The following SUMF1 variants were observed in gnomAD, a reference collection of about 807,000 sequenced individuals.
The protein encoded by SUMF1 is formylglycine-generating enzyme.
A neutral mutation model predicts 47.6 loss-of-function variants in SUMF1; 48 were observed. The observed-to-expected ratio is 1.01, with a 90% CI of 0.80 to 1.28. The LOEUF (loss-of-function observed/expected upper bound fraction) is 1.28. Ranked by LOEUF, SUMF1 falls within the 50% of genes most tolerant of loss-of-function variation. The pLI, the probability that SUMF1 is intolerant of heterozygous loss-of-function variation, is 0.00. For missense variants in SUMF1, 571 were observed against 485.4 expected, an observed-to-expected ratio of 1.18 and a Z score of -1.66; for synonymous variants, 230 against 192.1, an observed-to-expected ratio of 1.20 and a Z score of -1.63.
chr3:4,146,298 C>A (rs1432018396), intron 8 of SUMF1, among the ~76,000 whole-genome samples: 4 of 151,676 alleles, frequency 2.6e-5, no homozygotes, highest in African/African-American at 9.7e-5. Flanking sequence ...GAAGAGGGAG[C>A]AGCACAAAAA....
chr3:4,168,659 A>T (rs577481426), intron 8 of SUMF1, among the ~76,000 whole-genome samples: 3 of 152,338 alleles, frequency 2.0e-5, no homozygotes, highest in Admixed American at 6.5e-5. Flanking sequence ...AACTTTGGGT[A>T]AAAATCTCTA....
intron 7 of SUMF1, among the ~76,000 whole-genome samples, chr3:4,392,315 G>A (rs711671): frequency 0.32 from 48,038 of 151,654 alleles, 7,948 homozygotes; most frequent in Non-Finnish European, 0.34. Flanking sequence ...CACAGTTGGC[G>A]TATTTTATAG....
intron 3 of SUMF1, among the ~76,000 whole-genome samples, chr3:4,433,775 G>A (rs1702309176): frequency 6.6e-6 from 1 of 152,192 alleles, no homozygotes; most frequent in Admixed American, 6.5e-5. Context: ...GTTGTATGCT[G>A]AACACACAGA....
chr3:4,364,745 G>C (rs1304597724), intron 8 of SUMF1, among the ~76,000 whole-genome samples: 4 of 151,338 alleles, frequency 2.6e-5, no homozygotes, highest in Non-Finnish European at 5.9e-5. Context: ...TCTGATTTTA[G>C]TTATTTCTTG....
At chr3:4,292,669 T>C (rs1454080471) in intron 8 of SUMF1, among the ~76,000 whole-genome samples, 1 of 152,158 alleles carries the variant, frequency 6.6e-6, no homozygotes, top group Non-Finnish European at 1.5e-5. Context: ...AAAGGTAAAA[T>C]TGGCTATTTC....
intron 7 of SUMF1, among the ~76,000 whole-genome samples, chr3:4,408,128 T>TG (rs1449609616): frequency 6.6e-6 from 1 of 152,198 alleles, no homozygotes; most frequent in Non-Finnish European, 1.5e-5. Flanking sequence ...TAACCAGGCA[T>TG]GTGAGAAAAC....
rs1479036438 is a variant in SUMF1 at position 4,104,929 on chromosome 3, T to C, written c.1015-36184A>G. ...TGTTGAAGAGATACCTACATTCCCATGTTCATTTCAGCATTACTCACAATT... is the reference window on the plus strand; with the variant it reads ...TGTTGAAGAGATACCTACATTCCCACGTTCATTTCAGCATTACTCACAATT... On this transcript the variant is annotated intron_variant and NMD_transcript_variant, in intron 8 of 12. Transcript: ENST00000448413. Among the ~76,000 whole-genome samples the C allele has an allele frequency of 1.3e-5, 2 of 152,110 alleles. 1 individual carries two copies. The highest frequency in any genetic ancestry group is 2.9e-5 in the Non-Finnish European group (2 of 68,032).
At chr3:4,414,061 C>G (rs1701629757) in intron 6 of SUMF1, among the ~76,000 whole-genome samples, 2 of 152,144 alleles carry the variant, frequency 1.3e-5, no homozygotes, top group Admixed American at 1.3e-4. Context: ...GACGGGGTTT[C>G]ACTGTGTTTC....
intron 3 of SUMF1, among the ~76,000 whole-genome samples, chr3:4,426,540 G>A (rs1702074412): frequency 6.6e-6 from 1 of 152,156 alleles, no homozygotes; most frequent in African/African-American, 2.4e-5. Context: ...GAAAATAAGT[G>A]CTATTCTACT....
chr3:4,318,572 T>C (rs1698745997), intron 8 of SUMF1, among the ~76,000 whole-genome samples: 1 of 152,214 alleles, frequency 6.6e-6, no homozygotes, highest in South Asian at 2.1e-4. Flanking sequence ...CTATTCAGCA[T>C]TGTACTGGAG....
chr3:4,402,150 C>T (rs188084561), intron 7 of SUMF1, among the ~76,000 whole-genome samples: 1 of 152,124 alleles, frequency 6.6e-6, no homozygotes, highest in East Asian at 1.9e-4. Flanking sequence ...CTCAGGGCAC[C>T]GATTAGGCAT....
chr3:4,370,433 G>T (rs565464408), intron 8 of SUMF1, among the ~76,000 whole-genome samples: 30 of 152,154 alleles, frequency 2.0e-4, no homozygotes, highest in Non-Finnish European at 4.0e-4. Context: ...TGGTGATAGG[G>T]CATAGGACTT....
intron 3 of SUMF1, among the ~76,000 whole-genome samples, chr3:4,444,643 C>T (rs1470121679): frequency 6.6e-6 from 1 of 152,132 alleles, no homozygotes; most frequent in East Asian, 1.9e-4. Context: ...AGTCTATCAT[C>T]CCCTGTGTCC....
intron 8 of SUMF1, chr3:4,316,100 T>C (rs1456866438): frequency 1.7e-5 from 9 of 541,668 alleles, no homozygotes; most frequent in Non-Finnish European, 6.6e-6. Context: ...GAATTTGGTA[T>C]TTGATATTGG....
At position 4,362,044 on chromosome 3, in the gene SUMF1, G is replaced by A. The variant is rs1461813252; in HGVS notation, c.*100C>T. On this transcript the variant is annotated 3_prime_UTR_variant, in exon 9 of 9. Transcript: ENST00000272902. ...TGGGCAGGTATGTAACCCACCTCAGGGTGGGAATTCTTTGCATGGGATCGT... is the reference window on the plus strand; with the variant it reads ...TGGGCAGGTATGTAACCCACCTCAGAGTGGGAATTCTTTGCATGGGATCGT... 8.3e-7 allele frequency: 1 copy of A among 1,200,204 alleles called. No homozygotes were observed. The highest frequency in any genetic ancestry group is 1.2e-6 in the Non-Finnish European group (1 of 820,982). The allele number at this position is 1,200,204 out of a possible 1,614,324, so 74.3% of individuals were successfully genotyped here. A position where few individuals can be genotyped will look rare whatever the true frequency, so the allele number is the denominator to read the frequency against.
chr3:4,350,798 C>T (rs1699483962), intron 8 of SUMF1, among the ~76,000 whole-genome samples: 1 of 152,090 alleles, frequency 6.6e-6, no homozygotes, highest in African/African-American at 2.4e-5. Flanking sequence ...GCAATTGGAA[C>T]AAACACTTTA....
intron 9 of SUMF1, among the ~76,000 whole-genome samples, chr3:4,058,930 G>A (rs1280063047): frequency 6.6e-6 from 1 of 152,072 alleles, no homozygotes. Context: ...AAACCAATGA[G>A]GTGAGATTAC....
chr3:4,194,011 A>G (rs1364553450), intron 8 of SUMF1, among the ~76,000 whole-genome samples: 3 of 152,098 alleles, frequency 2.0e-5, no homozygotes, highest in Non-Finnish European at 4.4e-5. Context: ...AATGAAAGTA[A>G]TTTTTAATGC....
chr3:4,171,279 TC>T (rs543829394), intron 8 of SUMF1, among the ~76,000 whole-genome samples: 51 of 152,154 alleles, frequency 3.4e-4, no homozygotes, highest in African/African-American at 9.2e-4. Flanking sequence ...CACAAGGAAA[TC>T]CCCTCATCAT....
Sources: gnomAD v4.1 joint callset for allele counts (sites outside exome capture counted in the v4.1 genomes callset) on GRCh38, gnomAD v4.1.1 for gene constraint, MANE v1.5 for transcripts, NCBI Gene and HGNC (gene_info 2026-07-23, HGNC 2026-07-21) for gene names.